Variants in CERS2 observed in about 807,000 individuals in gnomAD.
CERS2 encodes the protein LAG1 homolog, ceramide synthase 2.
CERS2 carries 20 observed loss-of-function variants against 56.6 expected under a neutral mutation model. The ratio of observed to expected loss-of-function variants is 0.35; its 90% CI spans 0.25 to 0.51. The LOEUF (loss-of-function observed/expected upper bound fraction) is 0.51. Among genes scored for constraint, CERS2 ranks in the 20% least tolerant of loss-of-function variants. The pLI, the probability that CERS2 is intolerant of heterozygous loss-of-function variation, is 0.96. For missense variants in CERS2, 361 were observed against 488.6 expected (o/e 0.74, Z 2.46); for synonymous variants, 187 against 175.4 (o/e 1.07, Z -0.52).
chr1:150,966,487 T>G lies in CERS2; in HGVS notation c.991A>C (p.Ile331Leu). The change falls in exon 10 of 11, where the codon ATA becomes CTA. Residue 331 changes from isoleucine (I) to leucine (L), a missense_variant. Coordinates refer to ENST00000368954, the MANE Select transcript of CERS2 (RefSeq NM_022075.5). ...GAACAGGGCTTCACCTTTCCAGTTA[T>G]GAACTTGTGGGCCATGCGCAAAATG... ...YLILRMAHKF[I>L]TGKLVEDERS... The G allele has an allele frequency of 6.2e-7, 1 of 1,614,168 alleles. No individual in the cohort carries two copies. Among genetic ancestry groups the G allele is most frequent in the Non-Finnish European group, 8.5e-7 (1 of 1,180,020 alleles).
chr1:150,969,564 CTG>C (rs1671124848), intron 1 of CERS2, among the ~76,000 whole-genome samples: 1 of 132,886 alleles, frequency 7.5e-6, no homozygotes. Flanking sequence ...GACAGCGAGA[CTG>C]TCTCAAAAAA....
chr1:150,966,422 G>A, intron 10 of CERS2, 54 bp downstream of exon 10: 3 of 1,604,926 alleles, frequency 1.9e-6, no homozygotes, highest in African/African-American at 1.3e-5. Flanking sequence ...CAAGATGGGA[G>A]TTCAGGAAGT....
intron 2 of CERS2, among the ~76,000 whole-genome samples, 173 bp downstream of exon 2, chr1:150,968,745 G>A (rs1392946312): frequency 6.6e-6 from 1 of 152,208 alleles, no homozygotes; most frequent in East Asian, 1.9e-4. Context: ...TGGGGGTGCT[G>A]AGCCTTCAGG....
At chr1:150,968,270 A>C in intron 3 of CERS2, 69 bp from the exon 4 acceptor site, 1 of 1,519,812 alleles carries the variant, frequency 6.6e-7, no homozygotes, top group Non-Finnish European at 9.1e-7. Context: ...AGCCTCTCCC[A>C]GTAACAACCT....
intron 1 of CERS2, among the ~76,000 whole-genome samples, chr1:150,972,258 G>C (rs77892976): frequency 0.027 from 4,171 of 152,300 alleles, 82 homozygotes; most frequent in Non-Finnish European, 0.041. Context: ...CATGACCACA[G>C]CCCTCCCTGG....
chr1:150,972,421 CA>C (rs935896216), intron 1 of CERS2, among the ~76,000 whole-genome samples: 1 of 152,176 alleles, frequency 6.6e-6, no homozygotes, highest in Non-Finnish European at 1.5e-5. Flanking sequence ...CCCACAGAAC[CA>C]AAGAGTTGGG....
At chr1:150,972,424 AG>A (rs1671205465) in intron 1 of CERS2, among the ~76,000 whole-genome samples, 1 of 152,108 alleles carries the variant, frequency 6.6e-6, no homozygotes, top group African/African-American at 2.4e-5. Context: ...ACAGAACCAA[AG>A]AGTTGGGTCC....
intron 1 of CERS2, chr1:150,974,189 C>A (rs1000972930): frequency 5.9e-5 from 9 of 152,320 alleles, no homozygotes; most frequent in African/African-American, 1.9e-4. Flanking sequence ...CCAGGGCAAC[C>A]CCGCGGGCCG....
At chr1:150,966,991 TCCCA>T in intron 8 of CERS2, 79 bp downstream of exon 8, 1 of 1,551,298 alleles carries the variant, frequency 6.4e-7, no homozygotes, top group Non-Finnish European at 8.9e-7. Context: ...TCCTCCAAAT[TCCCA>T]CCCCGCACCT....
rs201729323 is a variant in CERS2 at position 150,967,212 on chromosome 1, T to A, written c.613-10A>T. 2.7e-5 allele frequency: 43 copies of A among 1,613,182 alleles called. No individual in the cohort carries two copies. In the Admixed American group the frequency reaches 4.3e-4, roughly 16 times the overall value. On this transcript the variant is annotated splice_polypyrimidine_tract_variant and intron_variant, in intron 7 of 10. Coordinates refer to ENST00000368954, the MANE Select transcript of CERS2 (RefSeq NM_022075.5). ...TCTGTTCCTTGAAATCCTGCAGAGATGATGCAGGCCCCAGGGCCTTTTTTT... is the reference window on the plus strand; with the variant it reads ...TCTGTTCCTTGAAATCCTGCAGAGAAGATGCAGGCCCCAGGGCCTTTTTTT...
intron 8 of CERS2, 68 bp from the exon 9 acceptor site, chr1:150,966,930 C>T: frequency 1.4e-6 from 2 of 1,420,440 alleles, no homozygotes; most frequent in South Asian, 2.3e-5. Context: ...TATGTACACT[C>T]CAGTTAGGAG....
chr1:150,967,591 A>G (rs747387121), intron 6 of CERS2, 73 bp downstream of exon 6: 6 of 1,483,482 alleles, frequency 4.0e-6, no homozygotes, highest in East Asian at 4.5e-5. Flanking sequence ...TCCCTCTGCC[A>G]TGGATTCCAC....
Position 150,974,640 on chromosome 1 carries a change from C to A in CERS2, c.-23G>T, listed in dbSNP as rs1671275497. 6.7e-6 allele frequency: 1 copy of A among 150,134 alleles called. No individual in the cohort carries two copies. The highest frequency in any genetic ancestry group is 2.4e-5 in the African/African-American group (1 of 41,110). The allele number at this position is 150,134 out of a possible 1,614,324, so 9.3% of individuals were successfully genotyped here. Reference sequence around the variant, plus strand: ...TCACCCGGCGGCAGCGTTGGCGGGGCCGGGGCCGCTGCTCCGTGTACTCCG... The same window carrying A: ...TCACCCGGCGGCAGCGTTGGCGGGGACGGGGCCGCTGCTCCGTGTACTCCG... On this transcript the variant is annotated 5_prime_UTR_variant, in exon 1 of 11. Transcript: ENST00000368954.
chr1:150,972,344 A>G (rs955423865), intron 1 of CERS2, among the ~76,000 whole-genome samples: 2 of 152,202 alleles, frequency 1.3e-5, no homozygotes, highest in Middle Eastern at 3.2e-3. Flanking sequence ...CAGCAGGGTC[A>G]GGACCTCTGA....
rs773243423 is a variant in CERS2, at chr1:150,967,812, C to T, written c.468+8G>A. The T allele has an allele frequency of 3.4e-5, 55 of 1,613,058 alleles. No individual in the cohort carries two copies. The highest frequency in any genetic ancestry group is 4.6e-5 in the Non-Finnish European group (54 of 1,179,132). ...ACCTACTCCCACCTCCCAGTAATCC[C>T]CACTCACATCCACAATGACGGCCAT... On this transcript the variant is annotated splice_region_variant and intron_variant, in intron 5 of 10. Coordinates refer to ENST00000368954, the MANE Select transcript of CERS2 (RefSeq NM_022075.5).
chr1:150,967,809 TC>T lies in CERS2; in HGVS notation c.468+10del. The T allele has an allele frequency of 6.2e-7, 1 of 1,612,934 alleles. No homozygotes were observed. Among genetic ancestry groups the T allele is most frequent in the South Asian group, 1.1e-5 (1 of 91,050 alleles). On this transcript the variant is annotated intron_variant, in intron 5 of 10. Coordinates refer to ENST00000368954, the MANE Select transcript of CERS2 (RefSeq NM_022075.5). ...AGAACCTACTCCCACCTCCCAGTAA[TC>T]CCCACTCACATCCACAATGACGGCC... is the stretch of plus-strand genomic sequence containing the variant.
rs899212532 is a variant in CERS2, at chr1:150,968,175, C to A, written c.318G>T (p.Gln106His). The A allele has an allele frequency of 5.6e-6, 9 of 1,609,344 alleles. No individual in the cohort carries two copies. In the Admixed American group the frequency reaches 1.2e-4, roughly 21 times the overall value. Residue 106 changes from glutamine (Q) to histidine (H), a missense_variant, in exon 4 of 11, where the codon CAG becomes CAT. By Grantham distance (24) the Gln-to-His change is conservative (BLOSUM62 0). Transcript: ENST00000368954. ...CTACCTGGCGGCCAGAGAGCCCGCTCTGCCGGGACAAAAGCTCTACTTCCA... is the reference window on the plus strand; with the variant it reads ...CTACCTGGCGGCCAGAGAGCCCGCTATGCCGGGACAAAAGCTCTACTTCCA... ...KQVEVELLSR[Q>H]SGLSGRQVER... is the part of the protein sequence containing the mutation.
rs200554053 is a variant in CERS2, at chr1:150,966,663, G to A, written c.849-34C>T. 5 of 1,612,552 alleles carry A rather than the reference G, an allele frequency of 3.1e-6. No homozygotes were observed. The African/African-American group carries it at 6.7e-5, about 22-fold the overall frequency. ...TCAAGGAGAGAGAGAACGTGGACAA[G>A]AGCAGGTCAGACACCGGGGAGATAC... On this transcript the variant is annotated intron_variant, in intron 9 of 10. Transcript: ENST00000368954.
chr1:150,966,662 A>G, intron 9 of CERS2, 33 bp from the exon 10 acceptor site: 1 of 1,612,708 alleles, frequency 6.2e-7, no homozygotes, highest in South Asian at 1.1e-5. Context: ...AACGTGGACA[A>G]GAGCAGGTCA....
Sources: allele counts gnomAD v4.1 joint callset (sites outside exome capture counted in the v4.1 genomes callset), GRCh38; gene constraint gnomAD v4.1.1; transcripts MANE v1.5; gene names NCBI Gene and HGNC (gene_info 2026-07-23, HGNC 2026-07-21).